SGIP1: variants seen among roughly 807,000 people sequenced by gnomAD.
SGIP1 encodes the protein SH3-containing GRB2-like protein 3-interacting protein 1.
A neutral mutation model predicts 107.5 loss-of-function variants in SGIP1; 38 were observed. That is an observed-to-expected ratio of 0.35 (90% confidence interval 0.27 to 0.46). The LOEUF (loss-of-function observed/expected upper bound fraction) is 0.46, where lower values mean the gene tolerates loss of function less well. Ranked by LOEUF, SGIP1 falls within the 20% of genes least tolerant of loss-of-function variation. SGIP1 has a pLI of 1.00. For missense variants in SGIP1, 929 were observed against 1,019.5 expected (o/e 0.91, Z 1.21); for synonymous variants, 365 against 366.1 (o/e 1.00, Z 0.03).
At chr1:66,588,404 A>G (rs2062990123) in intron 1 of SGIP1, among the ~76,000 whole-genome samples, 1 of 152,006 alleles carries the variant, frequency 6.6e-6, no homozygotes, top group African/African-American at 2.4e-5. Context: ...AACTTCCCCT[A>G]CTTCACTGGA....
chr1:66,626,601 C>A (rs1329616105), intron 2 of SGIP1, among the ~76,000 whole-genome samples: 2 of 152,168 alleles, frequency 1.3e-5, no homozygotes, highest in African/African-American at 4.8e-5. Flanking sequence ...CTTGAATTCT[C>A]CTGCAGAAGT....
intron 15 of SGIP1, among the ~76,000 whole-genome samples, chr1:66,685,502 T>C (rs10789215): frequency 0.67 from 102,434 of 152,028 alleles, 35,740 homozygotes; most frequent in East Asian, 1. Context: ...GCTTGCACCA[T>C]GTTTGAGGGC....
intron 1 of SGIP1, among the ~76,000 whole-genome samples, chr1:66,585,883 C>A (rs2062538122): frequency 6.6e-6 from 1 of 152,166 alleles, no homozygotes; most frequent in Non-Finnish European, 1.5e-5. Flanking sequence ...TTAATACTGT[C>A]TCCAAGTGCT....
At chr1:66,601,807 T>C (rs529751574) in intron 1 of SGIP1, among the ~76,000 whole-genome samples, 2 of 152,362 alleles carry the variant, frequency 1.3e-5, no homozygotes, top group African/African-American at 2.4e-5. Context: ...ATTTTTAGAA[T>C]GCTTGTCAAG....
intron 8 of SGIP1, among the ~76,000 whole-genome samples, chr1:66,661,047 T>C (rs1399079885): frequency 6.6e-6 from 1 of 152,198 alleles, no homozygotes; most frequent in African/African-American, 2.4e-5. Flanking sequence ...AAAGAGAATC[T>C]TTATAAAATG....
intron 12 of SGIP1, among the ~76,000 whole-genome samples, chr1:66,675,212 A>G (rs1434196243): frequency 6.6e-6 from 1 of 152,216 alleles, no homozygotes; most frequent in Non-Finnish European, 1.5e-5. Flanking sequence ...CTTAAAAATC[A>G]TAGCTGTGTT....
At chr1:66,620,323 A>T (rs2070671563) in intron 1 of SGIP1, among the ~76,000 whole-genome samples, 1 of 152,182 alleles carries the variant, frequency 6.6e-6, no homozygotes, top group South Asian at 2.1e-4. Context: ...TTTTTAAAAA[A>T]ATGTCTTTCA....
chr1:66,741,821 G>T (rs1312392467), intron 24 of SGIP1, among the ~76,000 whole-genome samples: 1 of 150,986 alleles, frequency 6.6e-6, no homozygotes, highest in Non-Finnish European at 1.5e-5. Flanking sequence ...AGGCTGGACT[G>T]CAGTGGCGCG....
chr1:66,610,777 T>G (rs2067831818), intron 1 of SGIP1, among the ~76,000 whole-genome samples: 1 of 152,172 alleles, frequency 6.6e-6, no homozygotes, highest in African/African-American at 2.4e-5. Flanking sequence ...CACATTCATA[T>G]TCAATTTCTC....
chr1:66,704,087 A>G (rs142374536), intron 18 of SGIP1, among the ~76,000 whole-genome samples: 2 of 152,114 alleles, frequency 1.3e-5, no homozygotes, highest in Admixed American at 1.3e-4. Context: ...AGTGCATGCA[A>G]AGCACTCAAA....
chr1:66,696,475 A>G (rs1003777249), intron 18 of SGIP1, among the ~76,000 whole-genome samples: 2 of 152,184 alleles, frequency 1.3e-5, no homozygotes, highest in African/African-American at 4.8e-5. Flanking sequence ...GAATTTTCAT[A>G]ACTTGAGTGT....
At chr1:66,606,609 T>C (rs2066897363) in intron 1 of SGIP1, among the ~76,000 whole-genome samples, 1 of 152,224 alleles carries the variant, frequency 6.6e-6, no homozygotes, top group Non-Finnish European at 1.5e-5. Flanking sequence ...CAGAAACAGA[T>C]ACTGTGTATT....
chr1:66,673,328 C>A lies in SGIP1; in HGVS notation c.608C>A (p.Pro203Gln). Reference sequence around the variant, plus strand: ...ACGGCCCTTGCTCCTCTCTTTGGCCCACCACTAGAATCAGCTTTTGATGAA... The same window carrying A: ...ACGGCCCTTGCTCCTCTCTTTGGCCAACCACTAGAATCAGCTTTTGATGAA... ...DTTALAPLFG[P>Q]PLESAFDEQK... is the part of the protein sequence containing the mutation. The change falls in exon 12 of 25, where the codon CCA becomes CAA. Residue 203 changes from proline (P) to glutamine (Q), a missense_variant. This residue lies in a region of SGIP1 where 588 missense variants were observed against 588.6 expected (regional missense o/e 1.00). Transcript: ENST00000371037. The A allele has an allele frequency of 1.2e-6, 2 of 1,613,320 alleles. No homozygotes were observed. The highest frequency in any genetic ancestry group is 1.7e-6 in the Non-Finnish European group (2 of 1,179,832).
chr1:66,725,377 G>A (rs1319478305), intron 19 of SGIP1, among the ~76,000 whole-genome samples: 4 of 152,176 alleles, frequency 2.6e-5, no homozygotes, highest in African/African-American at 7.2e-5. Context: ...AATATCCAAG[G>A]TGACTGTAGG....
At chr1:66,731,040 C>G (rs1434610617) in intron 20 of SGIP1, among the ~76,000 whole-genome samples, 1 of 152,138 alleles carries the variant, frequency 6.6e-6, no homozygotes, top group Non-Finnish European at 1.5e-5. Context: ...ACCGTAATTC[C>G]TTTTGTGCCA....
At chr1:66,672,331 A>G (rs2084028145) in intron 11 of SGIP1, among the ~76,000 whole-genome samples, 1 of 152,084 alleles carries the variant, frequency 6.6e-6, no homozygotes, top group Admixed American at 6.6e-5. Context: ...ACCCTACGAA[A>G]AGAAGCCTAT....
intron 1 of SGIP1, among the ~76,000 whole-genome samples, chr1:66,598,652 G>A (rs2065175078): frequency 6.6e-6 from 1 of 152,138 alleles, no homozygotes; most frequent in African/African-American, 2.4e-5. Flanking sequence ...ACTTGACACA[G>A]CCAAGCAGGA....
chr1:66,675,537 C>CTTTTTTTTTTTTTTTTTTTT lies in SGIP1; in HGVS notation c.647-1464_647-1463insTTTTTTTTTTTTTTTTTTTT. Among the ~76,000 whole-genome samples the CTTTTTTTTTTTTTTTTTTTT allele has an allele frequency of 3.8e-3, 414 of 109,096 alleles. 55 individuals carry two copies. Among genetic ancestry groups the CTTTTTTTTTTTTTTTTTTTT allele is most frequent in the African/African-American group, 7.6e-3 (185 of 24,230 alleles). 71.6% of individuals were successfully genotyped at this position (109,096 alleles called of 152,430 possible). A position where few individuals can be genotyped will look rare whatever the true frequency, so the allele number is the denominator to read the frequency against. On this transcript the variant is annotated intron_variant, in intron 12 of 24. Transcript: ENST00000371037. ...TTTCGTTGTTTTTCTTTTTCTTTTT[C>CTTTTTTTTTTTTTTTTTTTT]TTTCTTTTTTTTTTTTTTTTTTGAC... is the stretch of plus-strand genomic sequence containing the variant.
chr1:66,608,103 C>G lies in SGIP1; in HGVS notation c.11-17744C>G, dbSNP rs922122388. On this transcript the variant is annotated intron_variant, in intron 1 of 24. Coordinates refer to ENST00000371037, the MANE Select transcript of SGIP1 (RefSeq NM_032291.4). ...TGGGTTTCCAAGAGTCCAAATGTGA[C>G]CCAGGCTCATCACTATCTATCCATG... 1.3e-5 allele frequency among the ~76,000 whole-genome samples: 2 copies of G among 152,310 alleles called. 1 individual carries two copies. Among genetic ancestry groups the G allele is most frequent in the South Asian group, 4.1e-4 (2 of 4,820 alleles).
Sources: gnomAD v4.1 joint callset for allele counts (sites outside exome capture counted in the v4.1 genomes callset) on GRCh38, gnomAD v4.1.1 for gene constraint, gnomAD v4.1.1 regional missense constraint, MANE v1.5 for transcripts, NCBI Gene and HGNC (gene_info 2026-07-23, HGNC 2026-07-21) for gene names.